RNASEL: variants seen among roughly 807,000 people sequenced by gnomAD.
RNASEL encodes ribonuclease L, also known as 2-5A-dependent ribonuclease.
Under a neutral mutation model 50.9 loss-of-function variants are expected in RNASEL, and 36 were observed. The observed-to-expected ratio is 0.71, with a 90% CI of 0.54 to 0.93. The LOEUF (loss-of-function observed/expected upper bound fraction) is 0.93, where lower values mean the gene tolerates loss of function less well. Ranked by LOEUF, RNASEL falls within the 40% of genes least tolerant of loss-of-function variation. RNASEL has a pLI of 0.00. For missense variants in RNASEL, 860 were observed against 894.5 expected (o/e 0.96, Z 0.49); for synonymous variants, 335 against 335.6 (o/e 1.00, Z 0.02).
intron 5 of RNASEL, chr1:182,577,048 TTTTTTTTTG>T (rs1463959512): frequency 4.7e-5 from 7 of 150,180 alleles, no homozygotes; most frequent in Non-Finnish European, 1.0e-4. Flanking sequence ...AGCTAATTTT[TTTTTTTTTG>T]TATTTTTAGT....
rs772093900 is a variant in RNASEL, at chr1:182,586,322, T to A, written c.485A>T (p.Glu162Val). The A allele has an allele frequency of 2.5e-6, 4 of 1,614,144 alleles. No individual in the cohort carries two copies. Among genetic ancestry groups the A allele is most frequent in the Non-Finnish European group, 3.4e-6 (4 of 1,180,030 alleles). Residue 162 changes from glutamate (E) to valine (V), a missense_variant, in exon 2 of 7, where the codon GAG becomes GTG. Physicochemically the swap from Glu to Val is moderately radical, Grantham distance 121. Coordinates refer to ENST00000367559, the MANE Select transcript of RNASEL (RefSeq NM_021133.4). ...NLRRKTKEDQ[E>V]RLRKGGATAL... The stretch of plus-strand genomic sequence containing the variant: ...TGTGGCCCCTCCTTTCCTCAGCCGC[T>A]CTTGATCCTCCTTTGTCTTTCGCCT...
chr1:182,574,730 C>T lies in RNASEL; in HGVS notation c.*662G>A, dbSNP rs1025555692. Reference sequence around the variant, plus strand: ...CTCTCTTCAGTGCAAAATTGCCCCCCAGTTGAGAACTACTGCCTTAAGGTC... The same window carrying T: ...CTCTCTTCAGTGCAAAATTGCCCCCTAGTTGAGAACTACTGCCTTAAGGTC... On this transcript the variant is annotated 3_prime_UTR_variant, in exon 7 of 7. Transcript: ENST00000367559. 9 of 232,280 alleles carry T rather than the reference C, an allele frequency of 3.9e-5. No homozygotes were observed. The highest frequency in any genetic ancestry group is 6.8e-5 in the Non-Finnish European group (8 of 117,806). The allele number at this position is 232,280 out of a possible 1,614,324, so 14.4% of individuals were successfully genotyped here. A position where few individuals can be genotyped will look rare whatever the true frequency, so the allele number is the denominator to read the frequency against.
chr1:182,576,050 T>C (rs1041328038), intron 6 of RNASEL, among the ~76,000 whole-genome samples: 1 of 152,208 alleles, frequency 6.6e-6, no homozygotes, highest in African/African-American at 2.4e-5. Flanking sequence ...AACAAAAAAA[T>C]GACAAGGAAG....
rs1045277099 is a variant in RNASEL, at chr1:182,575,070, G to T, written c.*322C>A. 27 of 393,190 alleles carry T rather than the reference G, an allele frequency of 6.9e-5. No homozygotes were observed. Among genetic ancestry groups the T allele is most frequent in the African/African-American group, 5.0e-4 (25 of 49,822 alleles). 24.4% of individuals were successfully genotyped at this position (393,190 alleles called of 1,614,324 possible). ...GGGGATGATAATCCCTGTTTTGCAA[G>T]ATCATTGGGAAAATTAAGTGAGAGA... On this transcript the variant is annotated 3_prime_UTR_variant, in exon 7 of 7. Coordinates refer to ENST00000367559, the MANE Select transcript of RNASEL (RefSeq NM_021133.4).
rs757258805 is a variant in RNASEL at position 182,585,415 on chromosome 1, G to A, written c.1392C>T (p.Val464=). 2.5e-6 allele frequency: 4 copies of A among 1,614,146 alleles called. No individual in the cohort carries two copies. In the Admixed American group the frequency reaches 6.7e-5, roughly 27 times the overall value. The change falls in exon 2 of 7, where the codon GTC becomes GTT. Residue 464 remains valine (V), a synonymous_variant. Transcript: ENST00000367559. ...ENEEDEFARN[V]LSSIFKAVQE... The stretch of plus-strand genomic sequence containing the variant: ...GAACAGCCTTAAATATAGATGACAG[G>A]ACATTTCGGGCAAATTCATCTTCCT...
At chr1:182,587,224 TGTAA>T (rs770463381) in intron 1 of RNASEL, among the ~76,000 whole-genome samples, 1 of 152,198 alleles carries the variant, frequency 6.6e-6, no homozygotes, top group African/African-American at 2.4e-5. Flanking sequence ...AATTATACTC[TGTAA>T]GTAACTGTAT....
intron 4 of RNASEL, 68 bp downstream of exon 4, chr1:182,581,985 C>T: frequency 1.4e-6 from 2 of 1,417,432 alleles, no homozygotes; most frequent in East Asian, 4.6e-5. Context: ...GCAGCCCAGA[C>T]TTCTGTCTGC....
chr1:182,584,733 G>A (rs1661559106), intron 2 of RNASEL, among the ~76,000 whole-genome samples: 1 of 152,204 alleles, frequency 6.6e-6, no homozygotes, highest in South Asian at 2.1e-4. Context: ...AAACTAGTGA[G>A]ACTAGGCTTC....
chr1:182,586,681 CT>C lies in RNASEL; in HGVS notation c.125del (p.Gln42ArgfsTer28). The part of the protein sequence containing the change: ...AVQNEDVDLV[Q>X]QLLEGGANVN... ...CATTGGCTCCACCTTCCAGCAATTGCTGGACCAGGTCAACATCTTCGTTTTG... is the reference window on the plus strand; with the variant it reads ...CATTGGCTCCACCTTCCAGCAATTGCGGACCAGGTCAACATCTTCGTTTTG... On this transcript the variant is annotated frameshift_variant, in exon 2 of 7. Coordinates refer to ENST00000367559, the MANE Select transcript of RNASEL (RefSeq NM_021133.4). LOFTEE classifies it high-confidence loss of function. The C allele has an allele frequency of 6.2e-7, 1 of 1,614,162 alleles. No homozygotes were observed. The highest frequency in any genetic ancestry group is 8.5e-7 in the Non-Finnish European group (1 of 1,179,964).
Position 182,586,630 on chromosome 1 carries a change from GC to G in RNASEL, c.176del (p.Gly59AlafsTer11), listed in dbSNP as rs1391149201. Reference protein sequence around the residue: ...ANVNFQEEEGGWTPLHNAVQM... With the variant: ...ANVNFQEEEGXWTPLHNAVQM... Reference sequence around the variant, plus strand: ...GTACTGCGTTATGCAGAGGTGTCCAGCCCCCTTCCTCTTCCTGGAAATTAAC... The same window carrying G: ...GTACTGCGTTATGCAGAGGTGTCCAGCCCCTTCCTCTTCCTGGAAATTAAC... On this transcript the variant is annotated frameshift_variant, in exon 2 of 7. Transcript: ENST00000367559. LOFTEE classifies it high-confidence loss of function. The G allele has an allele frequency of 1.4e-5, 22 of 1,613,352 alleles. No individual in the cohort carries two copies. Among genetic ancestry groups the G allele is most frequent in the Non-Finnish European group, 1.9e-5 (22 of 1,179,340 alleles).
intron 4 of RNASEL, 105 bp from the exon 5 acceptor site, chr1:182,581,462 G>A (rs894168528): frequency 2.3e-5 from 19 of 832,528 alleles, no homozygotes; most frequent in Admixed American, 1.6e-4. Flanking sequence ...GTGCTTTCTT[G>A]GTTTTTCTTT....
chr1:182,587,243 C>T (rs749153363), intron 1 of RNASEL, among the ~76,000 whole-genome samples: 6 of 152,052 alleles, frequency 3.9e-5, no homozygotes, highest in Non-Finnish European at 5.9e-5. Context: ...CTGTATCCTA[C>T]TTCCTTTCAT....
intron 1 of RNASEL, among the ~76,000 whole-genome samples, chr1:182,588,125 T>C (rs1231134247): frequency 6.6e-6 from 1 of 152,240 alleles, no homozygotes; most frequent in African/African-American, 2.4e-5. Context: ...TGACCTACAA[T>C]ATTTTCAATT....
At position 182,574,462 on chromosome 1, in the gene RNASEL, T is replaced by C. The variant is rs1661344360; in HGVS notation, c.*930A>G. On this transcript the variant is annotated 3_prime_UTR_variant, in exon 7 of 7. Transcript: ENST00000367559. ...AGTAAATAAATCTGAGTCCCTCCTC[T>C]GTGGGGTGGTCCACACACTCCACAG... The C allele has an allele frequency of 8.7e-6, 2 of 230,936 alleles. No individual in the cohort carries two copies. Among genetic ancestry groups the C allele is most frequent in the Non-Finnish European group, 1.7e-5 (2 of 116,694 alleles). 14.3% of individuals were successfully genotyped at this position (230,936 alleles called of 1,614,324 possible).
At chr1:182,582,564 G>A (rs1256676802) in intron 3 of RNASEL, among the ~76,000 whole-genome samples, 1 of 152,204 alleles carries the variant, frequency 6.6e-6, no homozygotes, top group African/African-American at 2.4e-5. Flanking sequence ...ATAAATTGAG[G>A]AAAGGGAGAA....
At position 182,589,226 on chromosome 1, in the gene RNASEL, T is replaced by C. The variant is rs1207810292; in HGVS notation, c.-224A>G. ...CAGCCGCAAAGCCTGGAAGACTGCT[T>C]GCAGCCCGAGCAGTTTCCTCCTGCT... is the stretch of plus-strand genomic sequence containing the variant. On this transcript the variant is annotated 5_prime_UTR_variant, in exon 1 of 7. Coordinates refer to ENST00000367559, the MANE Select transcript of RNASEL (RefSeq NM_021133.4). 6.6e-6 allele frequency: 1 copy of C among 152,260 alleles called. No homozygotes were observed. The highest frequency in any genetic ancestry group is 1.9e-4 in the East Asian group (1 of 5,198). 9.4% of individuals were successfully genotyped at this position (152,260 alleles called of 1,614,324 possible). A position where few individuals can be genotyped will look rare whatever the true frequency, so the allele number is the denominator to read the frequency against.
chr1:182,582,090 C>G lies in RNASEL; in HGVS notation c.1735G>C (p.Asp579His), dbSNP rs753543367. 25 of 1,614,110 alleles carry G rather than the reference C, an allele frequency of 1.5e-5. No homozygotes were observed. The highest frequency in any genetic ancestry group is 2.0e-5 in the Non-Finnish European group (24 of 1,180,052). The change falls in exon 4 of 7, where the codon GAC becomes CAC. Residue 579 changes from aspartate to histidine, a missense_variant. By Grantham distance (81) the Asp-to-His change is moderately conservative. Transcript: ENST00000367559. ...CAAAAGAAGGGATGACCCAGCAGGT[C>G]ACTCAGACAGTCCCTCACATGTTCC... ...PGEHVRDCLS[D>H]LLGHPFFWTW...
At chr1:182,587,425 A>G (rs1054511301) in intron 1 of RNASEL, among the ~76,000 whole-genome samples, 5 of 152,062 alleles carry the variant, frequency 3.3e-5, no homozygotes, top group African/African-American at 1.2e-4. Flanking sequence ...AATCTAAATG[A>G]TGTTGCAGCA....
chr1:182,581,346 G>T lies in RNASEL; in HGVS notation c.1784C>A (p.Thr595Lys). 2.5e-6 allele frequency: 4 copies of T among 1,613,826 alleles called. No individual in the cohort carries two copies. Among genetic ancestry groups the T allele is most frequent in the Non-Finnish European group, 3.4e-6 (4 of 1,180,014 alleles). ...GGATTCATTTCCCACATTCCGAAGC[G>T]TCCTATAGCGGCTGAAGATGACTAA... ...FFWTWESRYR[T>K]LRNVGNESDI... The change falls in exon 5 of 7, where the codon ACG becomes AAG. Residue 595 changes from threonine to lysine, a missense_variant. Physicochemically the swap from Thr to Lys is moderately conservative, Grantham distance 78. Coordinates refer to ENST00000367559, the MANE Select transcript of RNASEL (RefSeq NM_021133.4).
Sources: allele counts gnomAD v4.1 joint callset (sites outside exome capture counted in the v4.1 genomes callset), GRCh38; gene constraint gnomAD v4.1.1; transcripts MANE v1.5; gene names NCBI Gene and HGNC (gene_info 2026-07-23, HGNC 2026-07-21).